Variants in GPBP1 observed in about 807,000 individuals in gnomAD.
GPBP1 encodes the protein GC-rich promoter binding protein 1, also known as vasculin.
A neutral mutation model predicts 56.5 loss-of-function variants in GPBP1; 13 were observed. The ratio of observed to expected loss-of-function variants is 0.23; its 90% confidence interval spans 0.15 to 0.37. The LOEUF (loss-of-function observed/expected upper bound fraction) is 0.37. Among genes scored for constraint, GPBP1 ranks in the 10% least tolerant of loss-of-function variants. The pLI is 1.00. For synonymous variants in GPBP1, 204 were observed against 188.9 expected, an observed-to-expected ratio of 1.08 and a Z score of -0.66; for missense variants, 477 against 572.3, an observed-to-expected ratio of 0.83 and a Z score of 1.70.
chr5:57,213,397 C>T (rs1304156968), intron 2 of GPBP1, among the ~76,000 whole-genome samples: 1 of 152,064 alleles, frequency 6.6e-6, no homozygotes, highest in Admixed American at 6.5e-5. Context: ...ATTATCACAT[C>T]TAAAGTGATT....
intron 2 of GPBP1, among the ~76,000 whole-genome samples, chr5:57,193,538 C>T (rs184699243): frequency 1.4e-5 from 2 of 141,486 alleles, no homozygotes; most frequent in East Asian, 4.3e-4. Flanking sequence ...CGCTTGAGCC[C>T]AGGAGGTGGA....
chr5:57,206,170 C>T (rs1326642959), intron 2 of GPBP1, among the ~76,000 whole-genome samples: 1 of 152,090 alleles, frequency 6.6e-6, no homozygotes, highest in Non-Finnish European at 1.5e-5. Flanking sequence ...CATATATTTT[C>T]TTCTGTCAGT....
intron 10 of GPBP1, among the ~76,000 whole-genome samples, chr5:57,255,784 A>AT (rs1741631026): frequency 6.6e-6 from 1 of 152,170 alleles, no homozygotes; most frequent in Admixed American, 6.5e-5. Context: ...GTTTAATTAT[A>AT]TTTTTTTAAT....
intron 2 of GPBP1, among the ~76,000 whole-genome samples, chr5:57,184,271 A>G (rs1754190639): frequency 1.3e-5 from 2 of 152,178 alleles, no homozygotes; most frequent in Admixed American, 6.5e-5. Context: ...TGTAATGTAC[A>G]TAACTTTGTT....
intron 10 of GPBP1, 63 bp downstream of exon 10, chr5:57,251,204 GTT>G: frequency 7.4e-7 from 1 of 1,350,396 alleles, no homozygotes; most frequent in Non-Finnish European, 1.0e-6. Flanking sequence ...ATATTATAGA[GTT>G]TTTACGTGAT....
chr5:57,252,810 A>G (rs1171230839), intron 10 of GPBP1, among the ~76,000 whole-genome samples: 7 of 150,890 alleles, frequency 4.6e-5, no homozygotes, highest in Non-Finnish European at 8.8e-5. Context: ...CCTGGGTTCC[A>G]GAGATTCTTG....
chr5:57,192,248 T>C (rs1441166682), intron 2 of GPBP1, among the ~76,000 whole-genome samples: 2 of 152,160 alleles, frequency 1.3e-5, no homozygotes, highest in East Asian at 3.9e-4. Context: ...TTCTTTTAAC[T>C]TGACTGGTAG....
chr5:57,176,100 C>T lies in GPBP1; in HGVS notation c.-358C>T. The T allele has an allele frequency of 2.5e-6, 1 of 397,906 alleles. No individual in the cohort carries two copies. Among genetic ancestry groups the T allele is most frequent in the Non-Finnish European group, 4.4e-6 (1 of 225,774 alleles). 24.6% of individuals were successfully genotyped at this position (397,906 alleles called of 1,614,324 possible). A position where few individuals can be genotyped will look rare whatever the true frequency, so the allele number is the denominator to read the frequency against. On this transcript the variant is annotated 5_prime_UTR_variant, in exon 2 of 12. Transcript: ENST00000506184. ...TTCTTTTTGTTTTTGCTTTTTGGCT[C>T]GTAAATTGGATATTTCATCTGGAGT... is the stretch of plus-strand genomic sequence containing the variant.
intron 2 of GPBP1, among the ~76,000 whole-genome samples, chr5:57,185,350 C>G (rs527901411): frequency 1.3e-3 from 197 of 151,940 alleles, no homozygotes; most frequent in African/African-American, 4.5e-3. Flanking sequence ...CAACCTCCGC[C>G]TACCGGGTTT....
chr5:57,199,677 A>G (rs930997978), intron 2 of GPBP1, among the ~76,000 whole-genome samples: 8 of 152,100 alleles, frequency 5.3e-5, no homozygotes, highest in Admixed American at 5.2e-4. Flanking sequence ...TATATCTCCT[A>G]ATGCTGTCCC....
chr5:57,253,065 A>T (rs1273792276), intron 10 of GPBP1, among the ~76,000 whole-genome samples: 7 of 152,186 alleles, frequency 4.6e-5, no homozygotes, highest in Non-Finnish European at 1.0e-4. Flanking sequence ...AAAGCGTTTT[A>T]AAAAATAGTG....
chr5:57,212,672 C>CTT (rs550327781), intron 2 of GPBP1, among the ~76,000 whole-genome samples: 6 of 139,738 alleles, frequency 4.3e-5, no homozygotes, highest in Admixed American at 7.2e-5. Flanking sequence ...TTCTTTTTTT[C>CTT]TTTTTTTTTT....
chr5:57,255,857 T>A (rs1192491117), intron 10 of GPBP1, among the ~76,000 whole-genome samples: 1 of 152,166 alleles, frequency 6.6e-6, no homozygotes, highest in Non-Finnish European at 1.5e-5. Context: ...TAGGAAGACT[T>A]GTGGAAGAGA....
chr5:57,260,299 A>G (rs1204959300), intron 10 of GPBP1, among the ~76,000 whole-genome samples: 1 of 152,168 alleles, frequency 6.6e-6, no homozygotes, highest in African/African-American at 2.4e-5. Context: ...TGAGGGCTTC[A>G]TCTTCAGAAT....
chr5:57,250,863 T>C (rs1186278910), intron 9 of GPBP1, 91 bp from the exon 10 acceptor site: 6 of 881,482 alleles, frequency 6.8e-6, no homozygotes, highest in Non-Finnish European at 1.0e-5. Flanking sequence ...GTATTTTCAA[T>C]GGAAGCTTAG....
At chr5:57,226,291 C>A (rs1017770340) in intron 3 of GPBP1, among the ~76,000 whole-genome samples, 22 of 152,162 alleles carry the variant, frequency 1.4e-4, no homozygotes, top group African/African-American at 5.3e-4. Flanking sequence ...ATTGGTGGTT[C>A]CCAACCTCCA....
intron 2 of GPBP1, among the ~76,000 whole-genome samples, chr5:57,178,265 A>G (rs1287591731): frequency 6.6e-6 from 1 of 152,038 alleles, no homozygotes; most frequent in East Asian, 1.9e-4. Flanking sequence ...TTTTTTTGAG[A>G]CGGACTCTTG....
intron 8 of GPBP1, among the ~76,000 whole-genome samples, chr5:57,248,276 AT>A (rs1220531704): frequency 6.6e-6 from 1 of 151,942 alleles, no homozygotes; most frequent in Admixed American, 6.6e-5. Context: ...TAGTTCAGGT[AT>A]TTTCTTTCTC....
intron 2 of GPBP1, among the ~76,000 whole-genome samples, chr5:57,196,004 A>AG (rs1754728566): frequency 1.3e-5 from 1 of 75,904 alleles, no homozygotes; most frequent in Admixed American, 1.1e-4. Context: ...AAAAAAAAAA[A>AG]AATTTTTTTT....
Sources: gnomAD v4.1 joint callset for allele counts (sites outside exome capture counted in the v4.1 genomes callset) on GRCh38, gnomAD v4.1.1 for gene constraint, MANE v1.5 for transcripts, NCBI Gene and HGNC (gene_info 2026-07-23, HGNC 2026-07-21) for gene names.